Variants in FAM76B observed in about 807,000 individuals in gnomAD.
FAM76B encodes family with sequence similarity 76 member B.
FAM76B carries 16 observed loss-of-function variants against 51.8 expected under a neutral mutation model. That is an observed-to-expected ratio of 0.31 (90% CI 0.21 to 0.47). FAM76B has a LOEUF of 0.47. Ranked by LOEUF, FAM76B falls within the 20% of genes least tolerant of loss-of-function variation. The pLI, the probability that FAM76B is intolerant of heterozygous loss-of-function variation, is 1.00. For synonymous variants in FAM76B, 166 were observed against 129.5 expected (o/e 1.28, Z -1.91); for missense variants, 342 against 392.6 (o/e 0.87, Z 1.09).
intron 8 of FAM76B, 25 bp from the exon 9 acceptor site, chr11:95,776,048 T>C (rs1389407641): frequency 7.1e-6 from 10 of 1,404,254 alleles, no homozygotes; most frequent in Non-Finnish European, 6.8e-6. Context: ...AAAAAATATA[T>C]GTATATATTT....
At chr11:95,789,158 C>CAGGAGGGTGCCG in intron 1 of FAM76B, 1 of 1,165,428 alleles carries the variant, frequency 8.6e-7, no homozygotes, top group Non-Finnish European at 1.2e-6. Flanking sequence ...TGACGGGGCC[C>CAGGAGGGTGCCG]GGCACCCTCC....
rs927575989 is a variant in FAM76B at position 95,789,597 on chromosome 11, C to A, written c.-119G>T. 8.2e-6 allele frequency: 7 copies of A among 853,312 alleles called. No homozygotes were observed. In the African/African-American group the frequency reaches 1.3e-4, roughly 15 times the overall value. The allele number at this position is 853,312 out of a possible 1,614,324, so 52.9% of individuals were successfully genotyped here. ...TCCTCCTCCCCCTCCCCCTGCCTCG[C>A]GCCCACCAGGGCCTCGCCGCGAGAG... On this transcript the variant is annotated 5_prime_UTR_variant, in exon 1 of 10. Transcript: ENST00000358780.
chr11:95,777,701 TTAAAA>T (rs1860072165), intron 8 of FAM76B, among the ~76,000 whole-genome samples: 2 of 151,400 alleles, frequency 1.3e-5, no homozygotes, highest in South Asian at 4.1e-4. Context: ...TACAAATGTA[TTAAAA>T]TAAATTAAGC....
chr11:95,786,442 C>G lies in FAM76B; in HGVS notation c.208-168G>C, dbSNP rs929753755. 25 of 596,950 alleles carry G rather than the reference C, an allele frequency of 4.2e-5. No homozygotes were observed. In the Admixed American group the frequency reaches 7.9e-4, roughly 19 times the overall value. The allele number at this position is 596,950 out of a possible 1,614,324, so 37.0% of individuals were successfully genotyped here. Reference sequence around the variant, plus strand: ...ATGCAATAACTTTTATACCATATTTCTATGCATTCAACTAGTATTTATTTC... The same window carrying G: ...ATGCAATAACTTTTATACCATATTTGTATGCATTCAACTAGTATTTATTTC... On this transcript the variant is annotated intron_variant, in intron 3 of 9. Transcript: ENST00000358780.
In FAM76B at chr11:95,789,690, C is replaced by A; in HGVS notation, c.-212G>T. The A allele has an allele frequency of 3.9e-6, 2 of 507,764 alleles. No individual in the cohort carries two copies. The highest frequency in any genetic ancestry group is 6.9e-6 in the Non-Finnish European group (2 of 291,084). 31.5% of individuals were successfully genotyped at this position (507,764 alleles called of 1,614,324 possible). ...ACTTCCGCCCCAGCCCACCCAGTGA[C>A]GCCGTGCCAGCCGCTCCCGCTTAGG... On this transcript the variant is annotated 5_prime_UTR_variant, in exon 1 of 10. Transcript: ENST00000358780.
At chr11:95,789,035 A>T in intron 1 of FAM76B, 1 of 1,378,330 alleles carries the variant, frequency 7.3e-7, no homozygotes, top group Non-Finnish European at 9.5e-7. Context: ...TCCTGGTGGA[A>T]GAAGAGGACA....
chr11:95,779,218 C>T lies in FAM76B; in HGVS notation c.693-261G>A. On this transcript the variant is annotated intron_variant, in intron 7 of 9. Coordinates refer to ENST00000358780, the MANE Select transcript of FAM76B (RefSeq NM_144664.5). Reference sequence around the variant, plus strand: ...AATAGGCAGCCAATTTGTACAGTAACATCAGCAAACTTTTGGCTAATGAAC... The same window carrying T: ...AATAGGCAGCCAATTTGTACAGTAATATCAGCAAACTTTTGGCTAATGAAC... The T allele has an allele frequency of 1.6e-5, 20 of 1,272,016 alleles. 1 individual carries two copies. The South Asian group carries it at 2.5e-4, about 16-fold the overall frequency. 78.8% of individuals were successfully genotyped at this position (1,272,016 alleles called of 1,614,324 possible).
At chr11:95,785,241 A>C (rs1429748712) in intron 4 of FAM76B, among the ~76,000 whole-genome samples, 1 of 152,224 alleles carries the variant, frequency 6.6e-6, no homozygotes, top group Non-Finnish European at 1.5e-5. Flanking sequence ...TGTACAGGAG[A>C]AAACACAGTA....
At chr11:95,788,777 G>T in intron 1 of FAM76B, 2 of 1,437,364 alleles carry the variant, frequency 1.4e-6, no homozygotes, top group African/African-American at 2.8e-5. Flanking sequence ...TAGACGTGGG[G>T]GTATATTACA....
At chr11:95,782,505 T>C (rs1047761081) in intron 5 of FAM76B, among the ~76,000 whole-genome samples, 1 of 152,070 alleles carries the variant, frequency 6.6e-6, no homozygotes, top group Non-Finnish European at 1.5e-5. Context: ...AAAACTACAG[T>C]TGTCTCTATT....
chr11:95,787,067 T>C (rs1860632759), intron 3 of FAM76B, among the ~76,000 whole-genome samples: 1 of 152,218 alleles, frequency 6.6e-6, no homozygotes, highest in African/African-American at 2.4e-5. Flanking sequence ...AAGAATTTGC[T>C]ATATTTGAAT....
chr11:95,788,440 A>T, intron 2 of FAM76B, 59 bp downstream of exon 2: 3 of 1,324,534 alleles, frequency 2.3e-6, no homozygotes, highest in Non-Finnish European at 3.2e-6. Flanking sequence ...TACAACCCCC[A>T]AGTATTCCAT....
rs1860758212 is a variant in FAM76B, at chr11:95,788,705, T to C, written c.88-142A>G. On this transcript the variant is annotated intron_variant, in intron 1 of 9. Transcript: ENST00000358780. ...CCAACGTAAAGAACTGGATGCTTTA[T>C]CATATAAGTGGCCAATCACAATATA... The C allele has an allele frequency of 4.1e-6, 5 of 1,211,740 alleles. No homozygotes were observed. In the Admixed American group the frequency reaches 1.3e-4, roughly 31 times the overall value. The allele number at this position is 1,211,740 out of a possible 1,614,324, so 75.1% of individuals were successfully genotyped here. A position where few individuals can be genotyped will look rare whatever the true frequency, so the allele number is the denominator to read the frequency against.
chr11:95,779,558 C>T, intron 7 of FAM76B, 49 bp downstream of exon 7: 1 of 1,462,612 alleles, frequency 6.8e-7, no homozygotes, highest in Non-Finnish European at 9.4e-7. Flanking sequence ...TCAACCATAA[C>T]TATTCAACTA....
rs954767560 is a variant in FAM76B at position 95,770,117 on chromosome 11, A to G, written c.*1444T>C. 14 of 151,530 alleles carry G rather than the reference A, an allele frequency of 9.2e-5. No individual in the cohort carries two copies. The highest frequency in any genetic ancestry group is 3.4e-4 in the African/African-American group (14 of 41,378). 9.4% of individuals were successfully genotyped at this position (151,530 alleles called of 1,614,324 possible). ...CATAAATTATTAAGAGAAGCAACTC[A>G]CTCTATACAGTGTATCTAGCAATAC... On this transcript the variant is annotated 3_prime_UTR_variant, in exon 10 of 10. Coordinates refer to ENST00000358780, the MANE Select transcript of FAM76B (RefSeq NM_144664.5).
chr11:95,779,341 T>A, intron 7 of FAM76B: 1 of 514,404 alleles, frequency 1.9e-6, no homozygotes, highest in South Asian at 2.5e-5. Flanking sequence ...CACTGAAGAA[T>A]AAAGATAAAA....
Position 95,775,915 on chromosome 11 carries a change from T to C in FAM76B, c.930+7A>G, listed in dbSNP as rs183544524. 100 of 1,541,048 alleles carry C rather than the reference T, an allele frequency of 6.5e-5. No individual in the cohort carries two copies. The highest frequency in any genetic ancestry group is 1.8e-4 in the Middle Eastern group (1 of 5,426). On this transcript the variant is annotated splice_region_variant and intron_variant, in intron 9 of 9. Coordinates refer to ENST00000358780, the MANE Select transcript of FAM76B (RefSeq NM_144664.5). ...GCCTATCATTTTACGTAAATGATGG[T>C]AGTTACCTGAAGTTGTTCCACAGTT...
At chr11:95,782,421 T>C (rs1261840131) in intron 5 of FAM76B, among the ~76,000 whole-genome samples, 2 of 152,128 alleles carry the variant, frequency 1.3e-5, no homozygotes, top group Non-Finnish European at 2.9e-5. Flanking sequence ...ACAGGGTCAA[T>C]TGCAGAACTG....
At position 95,779,866 on chromosome 11, in the gene FAM76B, G is replaced by A. The variant is rs759086705; in HGVS notation, c.611+13C>T. 4 of 1,596,378 alleles carry A rather than the reference G, an allele frequency of 2.5e-6. No individual in the cohort carries two copies. Among genetic ancestry groups the A allele is most frequent in the Non-Finnish European group, 3.4e-6 (4 of 1,173,074 alleles). On this transcript the variant is annotated intron_variant, in intron 6 of 9. Transcript: ENST00000358780. ...ATTTCAAAATACTTCAGAAAATACA[G>A]CAATGTATTTACCTCTGTTTCCACA...
Sources: allele counts gnomAD v4.1 joint callset (sites outside exome capture counted in the v4.1 genomes callset), GRCh38; gene constraint gnomAD v4.1.1; transcripts MANE v1.5; gene names NCBI Gene and HGNC (gene_info 2026-07-23, HGNC 2026-07-21).